ADGRV1: variants seen among roughly 807,000 people sequenced by gnomAD.
The protein encoded by ADGRV1 is G-protein coupled receptor 98.
A neutral mutation model predicts 596.2 loss-of-function variants in ADGRV1; 359 were observed. That is an observed-to-expected ratio of 0.60 (90% CI 0.55 to 0.66). The LOEUF (loss-of-function observed/expected upper bound fraction) is 0.66. ADGRV1 is among the 30% of genes least tolerant of loss of function. The pLI is 0.00. For missense variants in ADGRV1, 7,274 were observed against 7,575.6 expected (o/e 0.96, Z 1.48); for synonymous variants, 2,681 against 2,679.2 (o/e 1.00, Z -0.02).
At chr5:90,576,367 G>A (rs576812986) in intron 1 of ADGRV1, among the ~76,000 whole-genome samples, 1 of 151,564 alleles carries the variant, frequency 6.6e-6, no homozygotes, top group African/African-American at 2.4e-5. Context: ...TGTGGTGTTT[G>A]GTTTTCTGTT....
intron 83 of ADGRV1, among the ~76,000 whole-genome samples, chr5:90,911,521 T>A: frequency 6.6e-6 from 1 of 152,198 alleles, no homozygotes; most frequent in Non-Finnish European, 1.5e-5. Flanking sequence ...CAATGTTGTT[T>A]TACATACAGG....
intron 32 of ADGRV1, 87 bp downstream of exon 32, chr5:90,692,873 G>T: frequency 9.9e-7 from 1 of 1,009,044 alleles, no homozygotes; most frequent in Non-Finnish European, 1.4e-6. Context: ...AAATCATTTA[G>T]GTTTTGTGGT....
intron 81 of ADGRV1, among the ~76,000 whole-genome samples, chr5:90,855,512 C>T (rs1391258417): frequency 1.3e-5 from 2 of 152,134 alleles, no homozygotes; most frequent in East Asian, 3.8e-4. Flanking sequence ...CCAGGAATGC[C>T]TTCAAAGCTT....
intron 71 of ADGRV1, among the ~76,000 whole-genome samples, chr5:90,803,832 A>C (rs1359114677): frequency 6.6e-6 from 1 of 152,112 alleles, no homozygotes; most frequent in East Asian, 1.9e-4. Flanking sequence ...TTGTTATAAA[A>C]AAAAAAGATT....
intron 28 of ADGRV1, among the ~76,000 whole-genome samples, chr5:90,685,460 CTG>C (rs375965339): frequency 2.0e-5 from 3 of 152,078 alleles, no homozygotes; most frequent in Non-Finnish European, 2.9e-5. Flanking sequence ...CAGCACGTGC[CTG>C]TAGTCCCAGC....
chr5:90,807,874 GC>G (rs1307929915), intron 73 of ADGRV1, 137 bp downstream of exon 73: 1 of 741,036 alleles, frequency 1.3e-6, no homozygotes, highest in Non-Finnish European at 2.0e-6. Flanking sequence ...GCATCACGTG[GC>G]GTGCATGCTG....
intron 45 of ADGRV1, among the ~76,000 whole-genome samples, chr5:90,721,540 A>AT (rs1291486321): frequency 4.4e-5 from 1 of 22,690 alleles, no homozygotes; most frequent in African/African-American, 4.4e-4. Flanking sequence ...TAAAAATAAA[A>AT]TAAAATAAAA....
intron 34 of ADGRV1, among the ~76,000 whole-genome samples, chr5:90,700,103 T>G (rs1381587912): frequency 6.6e-6 from 1 of 152,220 alleles, no homozygotes; most frequent in Non-Finnish European, 1.5e-5. Context: ...AGTTCAGTAT[T>G]TTGTGTATGC....
chr5:90,700,622 G>A (rs997954265), intron 34 of ADGRV1, among the ~76,000 whole-genome samples: 5 of 152,048 alleles, frequency 3.3e-5, no homozygotes, highest in African/African-American at 1.2e-4. Context: ...TGTCATGTTC[G>A]ATGGATTTTA....
rs752560455 is a variant in ADGRV1, at chr5:90,628,633, G to A, written c.1310G>A (p.Arg437Gln). 4.4e-5 allele frequency: 71 copies of A among 1,613,878 alleles called. No homozygotes were observed. The highest frequency in any genetic ancestry group is 1.5e-4 in the South Asian group (14 of 91,076). ...GTCTCTGCGAATTGGGTGTTGACACGGAACAGCACTGATCCCTCACCAGTA... is the reference window on the plus strand; with the variant it reads ...GTCTCTGCGAATTGGGTGTTGACACAGAACAGCACTGATCCCTCACCAGTA... ...GNVSANWVLT[R>Q]NSTDPSPVTA... Residue 437 changes from arginine (R) to glutamine (Q), a missense_variant, in exon 8 of 90, where the codon CGG (arginine) becomes CAG (glutamine). By Grantham distance (43) the Arg-to-Gln change is conservative. This residue lies in a region of ADGRV1 where 1,715 missense variants were observed against 1,708.8 expected (regional missense o/e 1.00). Transcript: ENST00000405460.
intron 85 of ADGRV1, among the ~76,000 whole-genome samples, chr5:91,025,988 T>C (rs777313131): frequency 1.3e-5 from 2 of 152,156 alleles, no homozygotes; most frequent in African/African-American, 2.4e-5. Flanking sequence ...CGGTAATACT[T>C]AAGTGCTTAC....
At chr5:90,824,755 A>G (rs528718453) in intron 76 of ADGRV1, among the ~76,000 whole-genome samples, 1 of 152,336 alleles carries the variant, frequency 6.6e-6, no homozygotes, top group East Asian at 1.9e-4. Context: ...ATTGATGTTT[A>G]TATCAGTTAA....
chr5:90,836,368 A>G (rs1271246778), intron 77 of ADGRV1, among the ~76,000 whole-genome samples: 6 of 152,154 alleles, frequency 3.9e-5, no homozygotes, highest in Non-Finnish European at 8.8e-5. Context: ...ACTGTGGTAT[A>G]TCCATGTATG....
chr5:90,819,448 C>T (rs2150275732), intron 75 of ADGRV1, among the ~76,000 whole-genome samples: 2 of 150,418 alleles, frequency 1.3e-5, no homozygotes, highest in East Asian at 3.9e-4. Context: ...TATTTCTTGC[C>T]TTCTGCTCGC....
intron 58 of ADGRV1, 124 bp from the exon 59 acceptor site, chr5:90,763,181 A>C: frequency 2.2e-6 from 2 of 894,758 alleles, no homozygotes; most frequent in Non-Finnish European, 3.1e-6. Context: ...GCCACATGAT[A>C]ATTACATGTA....
chr5:90,636,503 G>A (rs1219408838), intron 10 of ADGRV1, among the ~76,000 whole-genome samples: 1 of 152,092 alleles, frequency 6.6e-6, no homozygotes, highest in East Asian at 1.9e-4. Context: ...TTAAAGAGTT[G>A]ATTGCTTTTA....
intron 75 of ADGRV1, among the ~76,000 whole-genome samples, chr5:90,817,783 T>G (rs1763048692): frequency 6.6e-6 from 1 of 152,090 alleles, no homozygotes; most frequent in African/African-American, 2.4e-5. Flanking sequence ...ATCTCTGTTT[T>G]GGTACCAGTA....
chr5:91,120,092 C>T (rs1424657106), intron 87 of ADGRV1, among the ~76,000 whole-genome samples: 1 of 152,156 alleles, frequency 6.6e-6, no homozygotes, highest in Non-Finnish European at 1.5e-5. Context: ...CACTTGGATA[C>T]TCAGGGTGAT....
intron 83 of ADGRV1, among the ~76,000 whole-genome samples, chr5:90,918,889 C>T (rs376292918): frequency 1.3e-3 from 192 of 152,248 alleles, no homozygotes; most frequent in African/African-American, 4.0e-3. Flanking sequence ...TTGTGTCTGT[C>T]CTTGGTTTAG....
Sources: allele counts gnomAD v4.1 joint callset (sites outside exome capture counted in the v4.1 genomes callset), GRCh38; gene constraint gnomAD v4.1.1; regional missense constraint gnomAD v4.1.1; transcripts MANE v1.5; gene names NCBI Gene and HGNC (gene_info 2026-07-23, HGNC 2026-07-21).